TIMP2: variants seen among roughly 807,000 people sequenced by gnomAD.
The protein encoded by TIMP2 is metalloproteinase inhibitor 2.
Under a neutral mutation model 24.3 loss-of-function variants are expected in TIMP2, and 5 were observed. The ratio of observed to expected loss-of-function variants is 0.21; its 90% CI spans 0.11 to 0.43. The LOEUF (loss-of-function observed/expected upper bound fraction) is 0.43, where lower values mean the gene tolerates loss of function less well. Ranked by LOEUF, TIMP2 falls within the 20% of genes least tolerant of loss-of-function variation. TIMP2 has a pLI of 1.00. For missense variants in TIMP2, 221 were observed against 297.5 expected (o/e 0.74, Z 1.89); for synonymous variants, 130 against 123.2 (o/e 1.06, Z -0.37).
chr17:78,902,567 T>A (rs991162045), intron 1 of TIMP2: 1 of 152,420 alleles, frequency 6.6e-6, no homozygotes, highest in African/African-American at 2.4e-5. Flanking sequence ...GGGTCAGCTC[T>A]CCAGGGTGGA....
intron 1 of TIMP2, among the ~76,000 whole-genome samples, chr17:78,875,811 C>T (rs1038230014): frequency 2.0e-5 from 3 of 152,150 alleles, no homozygotes; most frequent in Non-Finnish European, 4.4e-5. Flanking sequence ...GAGGCTCAGG[C>T]GTGTGGGTGC....
intron 1 of TIMP2, among the ~76,000 whole-genome samples, chr17:78,879,352 C>T (rs2069758097): frequency 6.6e-6 from 1 of 152,228 alleles, no homozygotes; most frequent in African/African-American, 2.4e-5. Context: ...AAGCAGGCCA[C>T]TTCAAAAGAG....
rs1055709700 is a variant in TIMP2, at chr17:78,920,548, C to T, written c.130+4411G>A. Among the ~76,000 whole-genome samples, 1 of 152,134 alleles carries T rather than the reference C, an allele frequency of 6.6e-6. No homozygotes were observed. The highest frequency in any genetic ancestry group is 1.5e-5 in the Non-Finnish European group (1 of 68,028). On this transcript the variant is annotated intron_variant, in intron 1 of 4. Transcript: ENST00000262768. The surrounding 1 kb of genome is among the most constrained non-coding windows in gnomAD (Gnocchi z 4.5). ...CTGCCAGTAATTCAGGGGTCAGTGA[C>T]TCCCCTGACAGATCCTGTCCCTCCA...
At chr17:78,908,249 C>T (rs974824997) in intron 1 of TIMP2, among the ~76,000 whole-genome samples, 4 of 152,144 alleles carry the variant, frequency 2.6e-5, no homozygotes, top group Admixed American at 2.6e-4. Context: ...CTAACGTTTC[C>T]GTAAGATAAG....
At chr17:78,890,451 C>T (rs976006585) in intron 1 of TIMP2, 7 of 618,220 alleles carry the variant, frequency 1.1e-5, no homozygotes, top group East Asian at 6.3e-5. Context: ...ATCCTGAGGC[C>T]GACCTCGGCC....
chr17:78,890,369 T>C (rs2069869261), intron 1 of TIMP2, among the ~76,000 whole-genome samples: 1 of 152,132 alleles, frequency 6.6e-6, no homozygotes, highest in East Asian at 1.9e-4. Flanking sequence ...ACCCAGCTAA[T>C]TTTTATATTT....
intron 3 of TIMP2, 71 bp downstream of exon 3, chr17:78,870,827 G>T: frequency 1.5e-6 from 2 of 1,366,260 alleles, no homozygotes; most frequent in Non-Finnish European, 1.0e-6. Flanking sequence ...TGGGAAACGA[G>T]CCCTGGACCG....
rs1567989736 is a variant in TIMP2 at position 78,855,451 on chromosome 17, G to A, written c.*216C>T. On this transcript the variant is annotated 3_prime_UTR_variant, in exon 5 of 5. Coordinates refer to ENST00000262768, the MANE Select transcript of TIMP2 (RefSeq NM_003255.5). The surrounding 1 kb of genome is among the most constrained non-coding windows in gnomAD (Gnocchi z 6.0). ...CGAAGCCCCAGACACATAGTGCCTG[G>A]CAGAGGGAGGATGGGATGAGGACCT... is the stretch of plus-strand genomic sequence containing the variant. 5.0e-6 allele frequency: 3 copies of A among 600,322 alleles called. No homozygotes were observed. The highest frequency in any genetic ancestry group is 8.7e-6 in the Non-Finnish European group (3 of 343,286). 37.2% of individuals were successfully genotyped at this position (600,322 alleles called of 1,614,324 possible).
intron 4 of TIMP2, chr17:78,856,302 C>T (rs1357513375): frequency 5.5e-5 from 10 of 183,468 alleles, no homozygotes; most frequent in Admixed American, 4.9e-4. Flanking sequence ...AGAGGATGAC[C>T]GCCTTCACCA....
intron 1 of TIMP2, chr17:78,897,040 TCACCCAGGGACCCTC>T: frequency 2.0e-6 from 2 of 977,536 alleles, no homozygotes; most frequent in Middle Eastern, 1.1e-3. Flanking sequence ...AAGGCAGACC[TCACCCAGGGACCCTC>T]CACCCAGGCA....
intron 1 of TIMP2, among the ~76,000 whole-genome samples, chr17:78,876,324 A>G (rs1947345773): frequency 6.6e-6 from 1 of 151,864 alleles, no homozygotes; most frequent in Admixed American, 6.6e-5. Context: ...GCCCAGGTGC[A>G]TCCACACCTC....
chr17:78,907,834 C>G (rs1474962165), intron 1 of TIMP2, among the ~76,000 whole-genome samples: 1 of 152,146 alleles, frequency 6.6e-6, no homozygotes, highest in Non-Finnish European at 1.5e-5. Flanking sequence ...AATGTCCCCT[C>G]ATGTGTCCAA....
At chr17:78,918,849 A>T (rs183734943) in intron 1 of TIMP2, among the ~76,000 whole-genome samples, 1 of 152,078 alleles carries the variant, frequency 6.6e-6, no homozygotes, top group Non-Finnish European at 1.5e-5. Context: ...AAATTAAAAA[A>T]ATTAGCTGGG....
chr17:78,909,134 A>T (rs2070185674), intron 1 of TIMP2, among the ~76,000 whole-genome samples: 1 of 152,090 alleles, frequency 6.6e-6, no homozygotes, highest in African/African-American at 2.4e-5. Context: ...GATCACTTGA[A>T]CCCAGGAGTT....
intron 1 of TIMP2, among the ~76,000 whole-genome samples, chr17:78,913,897 A>AG (rs2070231535): frequency 6.9e-6 from 1 of 144,894 alleles, no homozygotes. Flanking sequence ...GTCTCGGGGA[A>AG]AAAAAAAAAA....
rs2069946715 is a variant in TIMP2 at position 78,893,419 on chromosome 17, GTGTGTGTGCAGGGGTGTGTGCGTGGGGC to G, written c.131-19528_131-19501del. 5.7e-5 allele frequency among the ~76,000 whole-genome samples: 7 copies of G among 123,892 alleles called. No homozygotes were observed. The South Asian group carries it at 1.5e-3, about 27-fold the overall frequency. 81.3% of individuals were successfully genotyped at this position (123,892 alleles called of 152,430 possible). A position where few individuals can be genotyped will look rare whatever the true frequency, so the allele number is the denominator to read the frequency against. On this transcript the variant is annotated intron_variant, in intron 1 of 4. Transcript: ENST00000262768. ...TATGCAGGGGTGTGTGTGCATAGGG[GTGTGTGTGCAGGGGTGTGTGCGTGGGGC>G]TGTGTGTGCAGGGGTGTGTGTGCAT...
chr17:78,887,136 C>T (rs1001775576), intron 1 of TIMP2, among the ~76,000 whole-genome samples: 3 of 152,216 alleles, frequency 2.0e-5, no homozygotes, highest in African/African-American at 4.8e-5. Context: ...ATGCTACTCC[C>T]GCCCCGTCCA....
chr17:78,891,704 T>G lies in TIMP2; in HGVS notation c.131-17785A>C. 6.4e-7 allele frequency: 1 copy of G among 1,551,094 alleles called. No homozygotes were observed. Among genetic ancestry groups the G allele is most frequent in the Non-Finnish European group, 8.7e-7 (1 of 1,147,094 alleles). ...CCGAGCTGTTCCTTTCTCTTTTTCC[T>G]CCACAAGCCCGATTTCTCCCACAGC... On this transcript the variant is annotated intron_variant, in intron 1 of 4. Coordinates refer to ENST00000262768, the MANE Select transcript of TIMP2 (RefSeq NM_003255.5). This position sits in a 1 kb window ranked among gnomAD's most constrained non-coding sequence, Gnocchi z 4.5.
chr17:78,876,275 C>T (rs1048327828), intron 1 of TIMP2, among the ~76,000 whole-genome samples: 2 of 152,204 alleles, frequency 1.3e-5, no homozygotes, highest in African/African-American at 4.8e-5. Flanking sequence ...CATGCTCCCA[C>T]TATTCTACCA....
Sources: gnomAD v4.1 joint callset for allele counts (sites outside exome capture counted in the v4.1 genomes callset) on GRCh38, gnomAD v4.1.1 for gene constraint, Gnocchi (gnomAD v3.1) non-coding constraint, MANE v1.5 for transcripts, NCBI Gene and HGNC (gene_info 2026-07-23, HGNC 2026-07-21) for gene names.